MORC1: variants seen among roughly 807,000 people sequenced by gnomAD.
MORC1 encodes MORC family CW-type zinc finger 1, also known as MORC family CW-type zinc finger protein 1.
A neutral mutation model predicts 134.9 loss-of-function variants in MORC1; 59 were observed. The observed-to-expected ratio is 0.44, with a 90% confidence interval of 0.35 to 0.54. The LOEUF is 0.54. Ranked by LOEUF, MORC1 falls within the 20% of genes least tolerant of loss-of-function variation. The pLI, the probability that MORC1 is intolerant of heterozygous loss-of-function variation, is 0.00. For missense variants in MORC1, 947 were observed against 1,134.5 expected (o/e 0.83, Z 2.37); for synonymous variants, 395 against 391.7 (o/e 1.01, Z -0.10).
At chr3:108,966,889 A>G (rs1211105251) in intron 26 of MORC1, among the ~76,000 whole-genome samples, 1 of 152,158 alleles carries the variant, frequency 6.6e-6, no homozygotes, top group East Asian at 1.9e-4. Flanking sequence ...GGAAAGAATA[A>G]AAGATAATGG....
chr3:108,970,033 C>T (rs917629573), intron 25 of MORC1, among the ~76,000 whole-genome samples: 4 of 152,138 alleles, frequency 2.6e-5, no homozygotes, highest in African/African-American at 7.2e-5. Context: ...AGGGAGATGT[C>T]GAGAGCGCAG....
In MORC1 at chr3:108,959,727, T is replaced by C. The variant is rs574948488; in HGVS notation, c.2800-607A>G. 5.3e-5 allele frequency among the ~76,000 whole-genome samples: 8 copies of C among 152,262 alleles called. No homozygotes were observed. In the East Asian group the frequency reaches 1.5e-3, roughly 29 times the overall value. ...TGGAAAATGCATATTATGAAAAAAC[T>C]ACGTAGGCATGGATTTCAAAAATTT... On this transcript the variant is annotated intron_variant, in intron 27 of 27. Transcript: ENST00000232603.
chr3:109,108,986 A>C (rs1243418270), intron 3 of MORC1, among the ~76,000 whole-genome samples: 1 of 151,614 alleles, frequency 6.6e-6, no homozygotes, highest in Non-Finnish European at 1.5e-5. Flanking sequence ...TGCAGAAAAA[A>C]CCTTGGTATG....
At chr3:108,962,141 C>T (rs1367319391) in intron 27 of MORC1, among the ~76,000 whole-genome samples, 4 of 152,016 alleles carry the variant, frequency 2.6e-5, no homozygotes, top group Non-Finnish European at 4.4e-5. Context: ...TTGATAGAAG[C>T]GCAAATACAA....
At chr3:109,041,276 A>T (rs1949540311) in intron 14 of MORC1, among the ~76,000 whole-genome samples, 2 of 152,064 alleles carry the variant, frequency 1.3e-5, no homozygotes, top group African/African-American at 4.8e-5. Flanking sequence ...GCGCCACTGC[A>T]CTCCAGCCTG....
chr3:109,106,060 A>AT lies in MORC1; in HGVS notation c.155-2144_155-2143insA, dbSNP rs1333664378. Among the ~76,000 whole-genome samples, 112 of 152,250 alleles carry AT rather than the reference A, an allele frequency of 7.4e-4. 2 individuals are homozygous for AT. Among genetic ancestry groups the AT allele is most frequent in the Non-Finnish European group, 4.6e-4 (31 of 68,056 alleles). ...TGTTGAGTTCTCTGCATAAGGCAGTAGCTCTCAATCTTGGTTGCACATTGA... is the reference window on the plus strand; with the variant it reads ...TGTTGAGTTCTCTGCATAAGGCAGTATGCTCTCAATCTTGGTTGCACATTGA... On this transcript the variant is annotated intron_variant, in intron 3 of 27. Coordinates refer to ENST00000232603, the MANE Select transcript of MORC1 (RefSeq NM_014429.4).
chr3:109,059,698 G>T, intron 12 of MORC1, 108 bp downstream of exon 12: 1 of 834,340 alleles, frequency 1.2e-6, no homozygotes. Context: ...GATGTCACAA[G>T]CTGAAAAAAA....
intron 15 of MORC1, 43 bp from the exon 16 acceptor site, chr3:109,032,868 G>T (rs1322294726): frequency 3.2e-6 from 4 of 1,252,524 alleles, no homozygotes; most frequent in South Asian, 1.3e-5. Context: ...GATCAGAAAT[G>T]AATCTATCAT....
chr3:109,042,726 T>C (rs911359454), intron 14 of MORC1, among the ~76,000 whole-genome samples: 2 of 152,174 alleles, frequency 1.3e-5, no homozygotes, highest in East Asian at 1.9e-4. Flanking sequence ...GTGGTACCTA[T>C]ACAATGGAAT....
chr3:108,961,252 C>G (rs1032993180), intron 27 of MORC1, among the ~76,000 whole-genome samples: 5 of 152,144 alleles, frequency 3.3e-5, no homozygotes, highest in Admixed American at 2.0e-4. Context: ...CTCCCTCTAC[C>G]ACAGATTTGC....
chr3:109,080,717 G>A (rs1320021611), intron 8 of MORC1, among the ~76,000 whole-genome samples: 1 of 151,910 alleles, frequency 6.6e-6, no homozygotes, highest in African/African-American at 2.4e-5. Flanking sequence ...TTAAAATTCA[G>A]ATAAAAAAAG....
intron 1 of MORC1, among the ~76,000 whole-genome samples, chr3:109,117,731 CAATT>C (rs1268187788): frequency 2.6e-5 from 4 of 152,184 alleles, no homozygotes; most frequent in African/African-American, 7.2e-5. Flanking sequence ...TGCTGACCAA[CAATT>C]AAACAGTTGT....
intron 17 of MORC1, among the ~76,000 whole-genome samples, chr3:109,013,453 C>T (rs1464405007): frequency 1.3e-5 from 2 of 152,120 alleles, no homozygotes; most frequent in Non-Finnish European, 2.9e-5. Context: ...TTATTTGAGT[C>T]CTTTCATGTG....
intron 1 of MORC1, among the ~76,000 whole-genome samples, chr3:109,115,417 T>G (rs1162943728): frequency 6.6e-5 from 10 of 150,740 alleles, no homozygotes; most frequent in Non-Finnish European, 1.3e-4. Flanking sequence ...TGATTAAAAG[T>G]CTCATGAGTC....
At chr3:109,031,282 T>C (rs1949235668) in intron 16 of MORC1, among the ~76,000 whole-genome samples, 1 of 152,146 alleles carries the variant, frequency 6.6e-6, no homozygotes, top group African/African-American at 2.4e-5. Context: ...GTCCTAACTA[T>C]GGGGCTTAGC....
intron 14 of MORC1, among the ~76,000 whole-genome samples, chr3:109,045,361 C>A (rs760039906): frequency 1.3e-5 from 2 of 152,148 alleles, no homozygotes; most frequent in Non-Finnish European, 1.5e-5. Flanking sequence ...AGGCATCAGA[C>A]CCTTCCTAAT....
intron 16 of MORC1, among the ~76,000 whole-genome samples, chr3:109,031,117 G>T (rs992718622): frequency 6.6e-6 from 1 of 152,162 alleles, no homozygotes; most frequent in Non-Finnish European, 1.5e-5. Context: ...GTAAGTTGAA[G>T]GTAAGGGAAA....
At chr3:109,033,104 C>T (rs1949276417) in intron 15 of MORC1, among the ~76,000 whole-genome samples, 1 of 145,206 alleles carries the variant, frequency 6.9e-6, no homozygotes, top group East Asian at 1.9e-4. Flanking sequence ...ATCCACTTCA[C>T]CTCTTCTAAA....
At chr3:108,985,765 A>G (rs776904266) in intron 22 of MORC1, among the ~76,000 whole-genome samples, 87 of 152,230 alleles carry the variant, frequency 5.7e-4, no homozygotes, top group Non-Finnish European at 1.0e-3. Context: ...ATAAAATTGT[A>G]TTAGCAATTT....
Sources: allele counts gnomAD v4.1 joint callset (sites outside exome capture counted in the v4.1 genomes callset), GRCh38; gene constraint gnomAD v4.1.1; transcripts MANE v1.5; gene names NCBI Gene and HGNC (gene_info 2026-07-23, HGNC 2026-07-21).